The following SNX29 variants were observed in gnomAD, a reference collection of about 807,000 sequenced individuals.
The protein encoded by SNX29 is sorting nexin 29.
In SNX29, 78 loss-of-function variants were observed where a neutral mutation model predicts 102.1. The observed-to-expected ratio is 0.76, with a 90% CI of 0.64 to 0.92. The LOEUF (loss-of-function observed/expected upper bound fraction) is 0.92. SNX29 is among the 40% of genes least tolerant of loss of function. The pLI, the probability that SNX29 is intolerant of heterozygous loss-of-function variation, is 0.00. For synonymous variants in SNX29, 580 were observed against 414.5 expected, an observed-to-expected ratio of 1.40 and a Z score of -4.85; for missense variants, 1,280 against 1,061.7, an observed-to-expected ratio of 1.21 and a Z score of -2.86.
In SNX29 at chr16:12,568,934, C is replaced by T. The variant is rs144185105; in HGVS notation, c.*305C>T. On this transcript the variant is annotated 3_prime_UTR_variant, in exon 21 of 21. Transcript: ENST00000566228. ...CCACCTTTCTGTAGTTCAGGGCTGGCAGGAGGGTGGGCACCAGGTCAGGCT... is the reference window on the plus strand; with the variant it reads ...CCACCTTTCTGTAGTTCAGGGCTGGTAGGAGGGTGGGCACCAGGTCAGGCT... 2,540 of 407,492 alleles carry T rather than the reference C, an allele frequency of 6.2e-3. 12 individuals carry two copies. Among genetic ancestry groups the T allele is most frequent in the Non-Finnish European group, 9.6e-3 (2,182 of 228,126 alleles). The allele number at this position is 407,492 out of a possible 1,614,324, so 25.2% of individuals were successfully genotyped here.
Position 12,039,082 on chromosome 16 carries a change from T to C in SNX29, c.248-3815T>C, listed in dbSNP as rs189373789. Among the ~76,000 whole-genome samples, 12 of 152,352 alleles carry C rather than the reference T, an allele frequency of 7.9e-5. No homozygotes were observed. In the East Asian group the frequency reaches 2.1e-3, roughly 27 times the overall value. ...TTATTCCTGGGAAGTTTATTCTAAA[T>C]GATCCCAGTGATTGGCTTGATCCAC... On this transcript the variant is annotated intron_variant, in intron 4 of 20. Coordinates refer to ENST00000566228, the MANE Select transcript of SNX29 (RefSeq NM_032167.5).
intron 20 of SNX29, among the ~76,000 whole-genome samples, chr16:12,563,354 C>A (rs1020116672): frequency 6.6e-6 from 1 of 151,912 alleles, no homozygotes; most frequent in Non-Finnish European, 1.5e-5. Flanking sequence ...TATCCTGAGC[C>A]TGTCTTTTAT....
chr16:12,065,544 C>T lies in SNX29; in HGVS notation c.1244-3513C>T, dbSNP rs188032138. On this transcript the variant is annotated intron_variant, in intron 9 of 20. Coordinates refer to ENST00000566228, the MANE Select transcript of SNX29 (RefSeq NM_032167.5). Reference sequence around the variant, plus strand: ...CCCCATCAAGTCTAAAGTTCTATTTCTCCTTGTCCTCACGTTGGATCTTGG... The same window carrying T: ...CCCCATCAAGTCTAAAGTTCTATTTTTCCTTGTCCTCACGTTGGATCTTGG... 2.6e-4 allele frequency among the ~76,000 whole-genome samples: 40 copies of T among 152,318 alleles called. No individual in the cohort carries two copies. The East Asian group carries it at 4.0e-3, about 15-fold the overall frequency.
At chr16:12,063,046 A>C (rs1247375581) in intron 9 of SNX29, among the ~76,000 whole-genome samples, 1 of 152,196 alleles carries the variant, frequency 6.6e-6, no homozygotes, top group Non-Finnish European at 1.5e-5. Context: ...TGCAAAGCCA[A>C]AGGAGCCCTG....
At chr16:12,195,397 G>T (rs1040498117) in intron 13 of SNX29, among the ~76,000 whole-genome samples, 5 of 152,216 alleles carry the variant, frequency 3.3e-5, no homozygotes, top group African/African-American at 1.2e-4. Context: ...CTTAGAAGTA[G>T]ACTTGCTGGG....
intron 13 of SNX29, among the ~76,000 whole-genome samples, chr16:12,176,204 GT>G: frequency 6.6e-6 from 1 of 152,288 alleles, no homozygotes; most frequent in East Asian, 1.9e-4. Context: ...CATTTCTGTG[GT>G]TTCAACTGCC....
At chr16:12,006,737 G>C (rs1376328619) in intron 3 of SNX29, among the ~76,000 whole-genome samples, 1 of 151,732 alleles carries the variant, frequency 6.6e-6, no homozygotes, top group Non-Finnish European at 1.5e-5. Flanking sequence ...TCCCATCTCA[G>C]CCTCCTGAGT....
At chr16:12,402,210 C>G (rs753774476) in intron 17 of SNX29, among the ~76,000 whole-genome samples, 2 of 152,200 alleles carry the variant, frequency 1.3e-5, no homozygotes, top group South Asian at 4.1e-4. Context: ...GAGGTCAGCT[C>G]CTCTGCTCAG....
At chr16:12,555,335 C>T (rs144520037) in intron 20 of SNX29, among the ~76,000 whole-genome samples, 12 of 151,840 alleles carry the variant, frequency 7.9e-5, no homozygotes, top group African/African-American at 2.9e-4. Flanking sequence ...TTCTTGGCAC[C>T]TGAGAAACAT....
At chr16:12,480,180 G>A (rs747395842) in intron 19 of SNX29, among the ~76,000 whole-genome samples, 1 of 152,142 alleles carries the variant, frequency 6.6e-6, no homozygotes, top group Non-Finnish European at 1.5e-5. Flanking sequence ...CAAATGCAGG[G>A]ACTAAAACAA....
chr16:12,353,293 T>G (rs974187051), intron 15 of SNX29, among the ~76,000 whole-genome samples: 9 of 152,198 alleles, frequency 5.9e-5, no homozygotes, highest in African/African-American at 1.7e-4. Context: ...TTTCTCCATC[T>G]GGCCCCTGGA....
At chr16:12,102,993 C>A (rs759657286) in intron 11 of SNX29, among the ~76,000 whole-genome samples, 1 of 152,134 alleles carries the variant, frequency 6.6e-6, no homozygotes, top group African/African-American at 2.4e-5. Flanking sequence ...ATAAAACTTA[C>A]AAGGGATGTG....
At chr16:12,018,640 C>G (rs1225792906) in intron 3 of SNX29, among the ~76,000 whole-genome samples, 1 of 151,344 alleles carries the variant, frequency 6.6e-6, no homozygotes, top group African/African-American at 2.4e-5. Flanking sequence ...CATCAAGTTC[C>G]TCTCCTCTAG....
Position 12,572,207 on chromosome 16 carries a change from T to C in SNX29, c.*3578T>C. 1 of 993,926 alleles carries C rather than the reference T, an allele frequency of 1.0e-6. No homozygotes were observed. Among genetic ancestry groups the C allele is most frequent in the Non-Finnish European group, 1.2e-6 (1 of 814,966 alleles). 61.6% of individuals were successfully genotyped at this position (993,926 alleles called of 1,614,324 possible). A position where few individuals can be genotyped will look rare whatever the true frequency, so the allele number is the denominator to read the frequency against. On this transcript the variant is annotated 3_prime_UTR_variant, in exon 21 of 21. Coordinates refer to ENST00000566228, the MANE Select transcript of SNX29 (RefSeq NM_032167.5). ...AACCATGGCAGGTAGTATTGTGCTT[T>C]AAAAACCAGAGGCTCCTGAAAGTCG...
intron 20 of SNX29, among the ~76,000 whole-genome samples, chr16:12,556,948 G>C: frequency 6.3e-5 from 1 of 15,936 alleles, no homozygotes; most frequent in African/African-American, 3.1e-4. Flanking sequence ...TGCCGCTCAG[G>C]CTCAGTCTTC....
intron 20 of SNX29, among the ~76,000 whole-genome samples, chr16:12,547,417 A>G (rs576944206): frequency 1.3e-5 from 2 of 152,274 alleles, no homozygotes; most frequent in South Asian, 4.1e-4. Flanking sequence ...TTAGGGGACC[A>G]TGTGGGCACC....
intron 12 of SNX29, among the ~76,000 whole-genome samples, chr16:12,129,218 G>C (rs2054348665): frequency 6.6e-6 from 1 of 152,130 alleles, no homozygotes; most frequent in African/African-American, 2.4e-5. Context: ...TATTGTTTTG[G>C]CCTCTCCTGG....
chr16:12,474,649 C>T lies in SNX29; in HGVS notation c.2038-3070C>T, dbSNP rs1567601158. Among the ~76,000 whole-genome samples, 2 of 152,132 alleles carry T rather than the reference C, an allele frequency of 1.3e-5. 1 individual carries two copies. The highest frequency in any genetic ancestry group is 4.1e-4 in the South Asian group (2 of 4,834). On this transcript the variant is annotated intron_variant, in intron 18 of 20. Coordinates refer to ENST00000566228, the MANE Select transcript of SNX29 (RefSeq NM_032167.5). ...AGACTTGTATTTATTATTACATTAA[C>T]GAGGTTTTAAAGATGTGTATTGGTA...
At chr16:12,217,975 C>G (rs1316522750) in intron 14 of SNX29, among the ~76,000 whole-genome samples, 1 of 152,156 alleles carries the variant, frequency 6.6e-6, no homozygotes, top group Non-Finnish European at 1.5e-5. Flanking sequence ...TCTTGGTTTC[C>G]CATGACTTGT....
Sources: allele counts gnomAD v4.1 joint callset (sites outside exome capture counted in the v4.1 genomes callset), GRCh38; gene constraint gnomAD v4.1.1; transcripts MANE v1.5; gene names NCBI Gene and HGNC (gene_info 2026-07-23, HGNC 2026-07-21).